The following PLBD1 variants were observed in gnomAD, a reference collection of about 807,000 sequenced individuals.
PLBD1 encodes phospholipase B domain containing 1.
In PLBD1, 60 loss-of-function variants were observed where a neutral mutation model predicts 63.0. That is an observed-to-expected ratio of 0.95 (90% CI 0.77 to 1.18). PLBD1 has a LOEUF of 1.18. Ranked by LOEUF, PLBD1 falls within the 50% of genes most tolerant of loss-of-function variation. The pLI is 0.00. For synonymous variants in PLBD1, 262 were observed against 248.0 expected (o/e 1.06, Z -0.53); for missense variants, 598 against 677.9 (o/e 0.88, Z 1.31).
At chr12:14,540,699 T>A in intron 4 of PLBD1, 65 bp downstream of exon 4, 1 of 1,407,372 alleles carries the variant, frequency 7.1e-7, no homozygotes. Flanking sequence ...AATGTTATTT[T>A]AAAGATAACA....
At chr12:14,512,152 CT>C (rs10708766) in intron 6 of PLBD1, among the ~76,000 whole-genome samples, 85,363 of 137,490 alleles carry the variant, frequency 0.62, 25,741 homozygotes, top group Admixed American at 0.7. Flanking sequence ...TATAAGTCTA[CT>C]TTTTTTTTTT....
At chr12:14,511,987 T>C (rs537095676) in intron 6 of PLBD1, among the ~76,000 whole-genome samples, 108 of 152,314 alleles carry the variant, frequency 7.1e-4, no homozygotes, top group Admixed American at 1.9e-3. Flanking sequence ...TCCAGAACAT[T>C]GCAAGCTTCC....
At chr12:14,527,318 A>G (rs988668201) in intron 6 of PLBD1, among the ~76,000 whole-genome samples, 1 of 152,210 alleles carries the variant, frequency 6.6e-6, no homozygotes, top group Non-Finnish European at 1.5e-5. Flanking sequence ...AGGGTCACCA[A>G]CTGATCTCAA....
chr12:14,567,689 C>G lies in PLBD1; in HGVS notation c.8G>C (p.Arg3Pro). The G allele has an allele frequency of 1.4e-6, 2 of 1,456,566 alleles. No homozygotes were observed. The allele number at this position is 1,456,566 out of a possible 1,614,324, so 90.2% of individuals were successfully genotyped here. The change falls in exon 1 of 11, where the codon CGC (arginine) becomes CCC (proline). Residue 3 changes from arginine to proline, a missense_variant. Transcript: ENST00000240617. MT[R>P]GGPGGRPGLP... is the part of the protein sequence containing the mutation. Reference sequence around the variant, plus strand: ...CCCCGGGCGCCCGCCCGGACCGCCGCGGGTCATCGCTCCACGGCCGCGACC... The same window carrying G: ...CCCCGGGCGCCCGCCCGGACCGCCGGGGGTCATCGCTCCACGGCCGCGACC...
intron 8 of PLBD1, among the ~76,000 whole-genome samples, chr12:14,507,420 T>C (rs747972749): frequency 2.9e-4 from 44 of 152,154 alleles, no homozygotes; most frequent in Non-Finnish European, 5.3e-4. Context: ...ATATTCTCTA[T>C]AGAGCAAAAT....
chr12:14,565,071 T>C (rs116156671), intron 1 of PLBD1, among the ~76,000 whole-genome samples: 1,550 of 152,350 alleles, frequency 0.01, 38 homozygotes, highest in African/African-American at 0.036. Context: ...TCTGAAATCA[T>C]AGCTTGAAAG....
chr12:14,513,803 G>A (rs1220015693), intron 6 of PLBD1, among the ~76,000 whole-genome samples: 2 of 146,634 alleles, frequency 1.4e-5, no homozygotes, highest in African/African-American at 2.5e-5. Context: ...TTTTTGAGAC[G>A]GAGTCTCGCT....
intron 2 of PLBD1, among the ~76,000 whole-genome samples, chr12:14,549,627 G>T (rs745981749): frequency 6.6e-6 from 1 of 152,062 alleles, no homozygotes; most frequent in Non-Finnish European, 1.5e-5. Context: ...GAAACCCACC[G>T]TCCTTCGATT....
chr12:14,548,754 T>G (rs1376301360), intron 2 of PLBD1, among the ~76,000 whole-genome samples: 2 of 152,248 alleles, frequency 1.3e-5, no homozygotes, highest in Admixed American at 6.5e-5. Flanking sequence ...ACCAACTCCC[T>G]ACGTTTCTTC....
At chr12:14,561,307 T>C (rs1177445766) in intron 1 of PLBD1, among the ~76,000 whole-genome samples, 1 of 152,058 alleles carries the variant, frequency 6.6e-6, no homozygotes, top group Non-Finnish European at 1.5e-5. Context: ...GATTTGTCAC[T>C]GGCAGCTGAA....
At chr12:14,566,067 T>A (rs567947633) in intron 1 of PLBD1, among the ~76,000 whole-genome samples, 10 of 152,194 alleles carry the variant, frequency 6.6e-5, no homozygotes, top group African/African-American at 1.9e-4. Flanking sequence ...CAAAAACACT[T>A]AATCTCACTC....
At chr12:14,565,468 A>G (rs1945773911) in intron 1 of PLBD1, among the ~76,000 whole-genome samples, 2 of 151,832 alleles carry the variant, frequency 1.3e-5, no homozygotes, top group Non-Finnish European at 2.9e-5. Flanking sequence ...ATAGGAAATA[A>G]TAGTAAAAAA....
chr12:14,527,550 AC>A (rs1416314547), intron 6 of PLBD1, among the ~76,000 whole-genome samples: 2 of 152,226 alleles, frequency 1.3e-5, no homozygotes, highest in South Asian at 2.1e-4. Flanking sequence ...GTGAAAAAAA[AC>A]AAAAACAAAA....
At chr12:14,521,417 G>A (rs956156064) in intron 6 of PLBD1, among the ~76,000 whole-genome samples, 12 of 151,960 alleles carry the variant, frequency 7.9e-5, no homozygotes, top group Non-Finnish European at 1.3e-4. Context: ...TTGTGCACCC[G>A]TGGCGCATGA....
intron 6 of PLBD1, among the ~76,000 whole-genome samples, chr12:14,516,300 G>C (rs1945336658): frequency 6.6e-6 from 1 of 152,176 alleles, no homozygotes; most frequent in African/African-American, 2.4e-5. Context: ...TTGCACTCTA[G>C]CCTCGGTGAC....
intron 1 of PLBD1, among the ~76,000 whole-genome samples, chr12:14,564,600 C>T (rs1343887672): frequency 6.6e-6 from 1 of 152,174 alleles, no homozygotes; most frequent in African/African-American, 2.4e-5. Context: ...ATCCAGTCTG[C>T]CTGACAGTTA....
At chr12:14,567,561 C>A (rs1358660298) in intron 1 of PLBD1, 21 bp downstream of exon 1, 11 of 1,483,148 alleles carry the variant, frequency 7.4e-6, no homozygotes, top group Non-Finnish European at 8.9e-6. Context: ...GCGCCCCCCG[C>A]CCAGGGCGCG....
chr12:14,548,798 A>G (rs1945635737), intron 2 of PLBD1, among the ~76,000 whole-genome samples: 1 of 152,236 alleles, frequency 6.6e-6, no homozygotes, highest in Non-Finnish European at 1.5e-5. Flanking sequence ...GTAGCAAAAC[A>G]AGTGTTTGTT....
At chr12:14,505,229 G>A (rs1945244198) in intron 10 of PLBD1, among the ~76,000 whole-genome samples, 1 of 151,778 alleles carries the variant, frequency 6.6e-6, no homozygotes, top group Non-Finnish European at 1.5e-5. Flanking sequence ...TTCCTGTTTA[G>A]GTATTAGGCT....
Sources: gnomAD v4.1 joint callset for allele counts (sites outside exome capture counted in the v4.1 genomes callset) on GRCh38, gnomAD v4.1.1 for gene constraint, MANE v1.5 for transcripts, NCBI Gene and HGNC (gene_info 2026-07-23, HGNC 2026-07-21) for gene names.